PCDHGB4: variants seen among roughly 807,000 people sequenced by gnomAD.
PCDHGB4 encodes protocadherin gamma subfamily B, 4.
In PCDHGB4, 38 loss-of-function variants were observed where a neutral mutation model predicts 60.5. The ratio of observed to expected loss-of-function variants is 0.63; its 90% CI spans 0.48 to 0.82. The LOEUF (loss-of-function observed/expected upper bound fraction) is 0.82, where lower values mean the gene tolerates loss of function less well. Among genes scored for constraint, PCDHGB4 ranks in the 40% least tolerant of loss-of-function variants. PCDHGB4 has a pLI of 0.00. For synonymous variants in PCDHGB4, 456 were observed against 509.7 expected (o/e 0.89, Z 1.42); for missense variants, 1,109 against 1,209.6 (o/e 0.92, Z 1.23).
At position 141,487,855 on chromosome 5, in the gene PCDHGB4, A is replaced by T; in HGVS notation, c.2398-6952A>T. 1 of 974,210 alleles carries T rather than the reference A, an allele frequency of 1.0e-6. No homozygotes were observed. 60.3% of individuals were successfully genotyped at this position (974,210 alleles called of 1,614,324 possible). A position where few individuals can be genotyped will look rare whatever the true frequency, so the allele number is the denominator to read the frequency against. On this transcript the variant is annotated intron_variant, in intron 1 of 3. Coordinates refer to ENST00000519479, the MANE Select transcript of PCDHGB4 (RefSeq NM_003736.4). This position sits in a 1 kb window ranked among gnomAD's most constrained non-coding sequence, Gnocchi z 5.0. Reference sequence around the variant, plus strand: ...TATATCTGAGTAAGAAATGAAAGTAATTGGTGATCAAGAGCCAGGCTGTTG... The same window carrying T: ...TATATCTGAGTAAGAAATGAAAGTATTTGGTGATCAAGAGCCAGGCTGTTG...
intron 1 of PCDHGB4, among the ~76,000 whole-genome samples, chr5:141,450,315 G>A (rs1319432573): frequency 1.3e-5 from 2 of 151,918 alleles, no homozygotes; most frequent in African/African-American, 4.8e-5. Context: ...GTGTGGCCTA[G>A]TTGCCATGTC....
intron 1 of PCDHGB4, chr5:141,393,342 C>T (rs765924046): frequency 6.2e-7 from 1 of 1,613,944 alleles, no homozygotes; most frequent in Admixed American, 1.7e-5. Context: ...CCCCAATCAC[C>T]ACTTCTCCCT....
chr5:141,391,523 A>T (rs2092383458), intron 1 of PCDHGB4: 1 of 152,140 alleles, frequency 6.6e-6, no homozygotes, highest in Non-Finnish European at 1.5e-5. Context: ...CACTAATTTA[A>T]CTGGTATGGT....
chr5:141,507,861 C>G (rs538942097), intron 3 of PCDHGB4, among the ~76,000 whole-genome samples: 6 of 152,306 alleles, frequency 3.9e-5, no homozygotes, highest in South Asian at 4.1e-4. Flanking sequence ...CTTTCACACC[C>G]GCTTCCTAGC....
chr5:141,408,219 C>T (rs560438654), intron 1 of PCDHGB4: 4 of 1,557,930 alleles, frequency 2.6e-6, no homozygotes, highest in East Asian at 4.8e-5. Flanking sequence ...GGGAGCTGCG[C>T]GCAGAGGCGC....
rs55729045 is a variant in PCDHGB4 at position 141,395,542 on chromosome 5, TTGTGTGTGTGTGTGTG to T, written c.2397+5295_2397+5310del. 64 of 172,628 alleles carry T rather than the reference TTGTGTGTGTGTGTGTG, an allele frequency of 3.7e-4. 1 individual carries two copies. Among genetic ancestry groups the T allele is most frequent in the South Asian group, 2.0e-3 (23 of 11,528 alleles). The allele number at this position is 172,628 out of a possible 1,614,324, so 10.7% of individuals were successfully genotyped here. A position where few individuals can be genotyped will look rare whatever the true frequency, so the allele number is the denominator to read the frequency against. ...TCCATACTGGTAATTTTGCTATTGT[TTGTGTGTGTGTGTGTG>T]TGTGTGTGTGTGTGTGTGTGTGTGT... On this transcript the variant is annotated intron_variant, in intron 1 of 3. Coordinates refer to ENST00000519479, the MANE Select transcript of PCDHGB4 (RefSeq NM_003736.4).
intron 1 of PCDHGB4, among the ~76,000 whole-genome samples, chr5:141,457,537 T>C (rs967428207): frequency 6.6e-6 from 1 of 152,228 alleles, no homozygotes; most frequent in Non-Finnish European, 1.5e-5. Context: ...TAGGGTTTAA[T>C]GACAAATGTA....
At position 141,408,734 on chromosome 5, in the gene PCDHGB4, T is replaced by C. The variant is rs376769558; in HGVS notation, c.2397+18453T>C. 1.5e-4 allele frequency: 244 copies of C among 1,610,058 alleles called. No homozygotes were observed. The highest frequency in any genetic ancestry group is 1.9e-4 in the Non-Finnish European group (226 of 1,177,812). On this transcript the variant is annotated intron_variant, in intron 1 of 3. Transcript: ENST00000519479. ...TTATAAGATAAACTCTAATCCTTAT[T>C]TTTCATTAATGGTTAGAGTTAATTC...
rs1011504923 is a variant in PCDHGB4, at chr5:141,408,109, C to A, written c.2397+17828C>A. ...GGATTGCCAGCTCCGAGACCCGGGA[C>A]TCCTCCTGTCCTGGGCCGAATGCTC... is the stretch of plus-strand genomic sequence containing the variant. On this transcript the variant is annotated intron_variant, in intron 1 of 3. Transcript: ENST00000519479. 6 of 1,445,662 alleles carry A rather than the reference C, an allele frequency of 4.2e-6. No homozygotes were observed. In the African/African-American group the frequency reaches 5.7e-5, roughly 14 times the overall value. 89.6% of individuals were successfully genotyped at this position (1,445,662 alleles called of 1,614,324 possible). A position where few individuals can be genotyped will look rare whatever the true frequency, so the allele number is the denominator to read the frequency against.
chr5:141,441,692 G>A (rs1165171238), intron 1 of PCDHGB4: 2 of 301,376 alleles, frequency 6.6e-6, no homozygotes, highest in Non-Finnish European at 1.3e-5. Context: ...AAGAGCAGCC[G>A]CGAGCCTTCA....
Position 141,431,854 on chromosome 5 carries a change from A to G in PCDHGB4, c.2397+41573A>G. On this transcript the variant is annotated intron_variant, in intron 1 of 3. Coordinates refer to ENST00000519479, the MANE Select transcript of PCDHGB4 (RefSeq NM_003736.4). The surrounding 1 kb of genome is among the most constrained non-coding windows in gnomAD (Gnocchi z 4.8). Reference sequence around the variant, plus strand: ...CCGAAAACTCTCCCAGAGGGACATTAATTGCCCTTTTAAATGTAAATGACC... The same window carrying G: ...CCGAAAACTCTCCCAGAGGGACATTGATTGCCCTTTTAAATGTAAATGACC... The G allele has an allele frequency of 6.2e-7, 1 of 1,614,230 alleles. No individual in the cohort carries two copies. The highest frequency in any genetic ancestry group is 1.3e-5 in the African/African-American group (1 of 75,070).
Position 141,489,429 on chromosome 5 carries a change from G to A in PCDHGB4, c.2398-5378G>A. 1 of 1,614,140 alleles carries A rather than the reference G, an allele frequency of 6.2e-7. No individual in the cohort carries two copies. Among genetic ancestry groups the A allele is most frequent in the Non-Finnish European group, 8.5e-7 (1 of 1,180,036 alleles). ...AGATGACAGATCTGTTGAGCCGGCG[G>A]CTGCAATTGGGCTCTGAGGAGAATG... On this transcript the variant is annotated intron_variant, in intron 1 of 3. Transcript: ENST00000519479. The surrounding 1 kb of genome is among the most constrained non-coding windows in gnomAD (Gnocchi z 4.5).
Position 141,388,882 on chromosome 5 carries a change from T to C in PCDHGB4, c.998T>C (p.Val333Ala), listed in dbSNP as rs1038312572. The C allele has an allele frequency of 6.2e-7, 1 of 1,613,800 alleles. No individual in the cohort carries two copies. Among genetic ancestry groups the C allele is most frequent in the Non-Finnish European group, 8.5e-7 (1 of 1,179,816 alleles). The change falls in exon 1 of 4, where the codon GTA becomes GCA. Residue 333 changes from valine (V) to alanine (A), a missense_variant. This residue lies in a region of PCDHGB4 where 1,068 missense variants were observed against 1,089.9 expected (regional missense o/e 0.98). Coordinates refer to ENST00000519479, the MANE Select transcript of PCDHGB4 (RefSeq NM_003736.4). ...ATGATTGCGCAATGCACAGTGGAGGTAGAAGTCATAGATGAAAATGACAAC... is the reference window on the plus strand; with the variant it reads ...ATGATTGCGCAATGCACAGTGGAGGCAGAAGTCATAGATGAAAATGACAAC... ...GGMIAQCTVE[V>A]EVIDENDNAP...
intron 1 of PCDHGB4, chr5:141,428,502 G>T: frequency 7.1e-6 from 2 of 282,686 alleles, no homozygotes; most frequent in Non-Finnish European, 6.9e-6. Flanking sequence ...ATGTTCCCTC[G>T]GATTCTAGAA....
At chr5:141,403,225 C>T (rs2154532251) in intron 1 of PCDHGB4, 2 of 1,613,958 alleles carry the variant, frequency 1.2e-6, no homozygotes, top group Non-Finnish European at 1.7e-6. Flanking sequence ...GTAGGATAGA[C>T]CGGGAGGAGC....
intron 1 of PCDHGB4, among the ~76,000 whole-genome samples, chr5:141,401,330 A>G (rs1377404173): frequency 6.6e-6 from 1 of 152,218 alleles, no homozygotes. Context: ...CAACAAGAGC[A>G]AAACTCCATC....
rs546808390 is a variant in PCDHGB4, at chr5:141,388,238, C to T, written c.354C>T (p.His118=). 77 of 1,607,582 alleles carry T rather than the reference C, an allele frequency of 4.8e-5. No homozygotes were observed. Among genetic ancestry groups the T allele is most frequent in the Non-Finnish European group, 6.4e-5 (75 of 1,175,558 alleles). The change falls in exon 1 of 4, where the codon CAC becomes CAT. Residue 118 remains histidine, a synonymous_variant. Coordinates refer to ENST00000519479, the MANE Select transcript of PCDHGB4 (RefSeq NM_003736.4). The part of the protein sequence containing the change: ...AVAENPLNFY[H]VNVEIEDIND... ...CTGAAAATCCACTGAACTTTTATCACGTGAATGTGGAGATCGAGGACATTA... is the reference window on the plus strand; with the variant it reads ...CTGAAAATCCACTGAACTTTTATCATGTGAATGTGGAGATCGAGGACATTA...
chr5:141,433,142 G>A, intron 1 of PCDHGB4: 2 of 1,614,108 alleles, frequency 1.2e-6, no homozygotes, highest in African/African-American at 1.3e-5. Flanking sequence ...TTTGCTGTCA[G>A]GTGATTCGGT....
At chr5:141,447,656 C>T (rs1352103605) in intron 1 of PCDHGB4, among the ~76,000 whole-genome samples, 1 of 152,056 alleles carries the variant, frequency 6.6e-6, no homozygotes, top group Non-Finnish European at 1.5e-5. Flanking sequence ...ATTTTCCCCC[C>T]CAGGAAGTTA....
Sources: allele counts gnomAD v4.1 joint callset (sites outside exome capture counted in the v4.1 genomes callset), GRCh38; gene constraint gnomAD v4.1.1; regional missense constraint gnomAD v4.1.1; non-coding constraint Gnocchi (gnomAD v3.1); transcripts MANE v1.5; gene names NCBI Gene and HGNC (gene_info 2026-07-23, HGNC 2026-07-21).